Variants in OR8B3 observed in about 807,000 individuals in gnomAD.
OR8B3 encodes olfactory receptor family 8 subfamily B member 3.
For missense variants in OR8B3, 278 were observed against 377.6 expected (o/e 0.74, Z 2.19); for synonymous variants, 102 against 135.4 (o/e 0.75, Z 1.71).
chr11:124,409,521 A>G, the OR8B3 span, among the ~76,000 whole-genome samples: 1 of 152,258 alleles, frequency 6.6e-6, no homozygotes, highest in Non-Finnish European at 1.5e-5. Flanking sequence ...TGCTTCTTCA[A>G]TTAGGCCAAA....
At chr11:124,398,427 G>T (rs11219633) in intron 1 of OR8B3, among the ~76,000 whole-genome samples, 5,640 of 152,222 alleles carry the variant, frequency 0.037, 149 homozygotes, top group South Asian at 0.13. Flanking sequence ...TCTTCTATAT[G>T]TATAGCACAT....
chr11:124,401,654 T>C (rs1049432610), upstream of OR8B3, among the ~76,000 whole-genome samples: 2 of 152,244 alleles, frequency 1.3e-5, no homozygotes, highest in African/African-American at 4.8e-5. Flanking sequence ...GTGTATGCAT[T>C]GTTAGAGTAA....
chr11:124,404,366 T>C, the OR8B3 span: 1 of 152,168 alleles, frequency 6.6e-6, no homozygotes, highest in Non-Finnish European at 1.5e-5. Context: ...TTGAACCATT[T>C]GAGAAGTAGA....
At chr11:124,402,944 G>T (rs539728256), upstream of OR8B3, among the ~76,000 whole-genome samples, 241 of 152,162 alleles carry the variant, frequency 1.6e-3, no homozygotes, top group Admixed American at 2.7e-3. Flanking sequence ...GTGAACAAAG[G>T]TCCCTGGTTT....
upstream of OR8B3, among the ~76,000 whole-genome samples, chr11:124,401,730 G>C (rs749557207): frequency 7.9e-5 from 12 of 152,184 alleles, no homozygotes; most frequent in Non-Finnish European, 1.6e-4. Context: ...AATATATGGA[G>C]AGAAGTATCT....
At chr11:124,398,356 G>A (rs192809457) in intron 1 of OR8B3, among the ~76,000 whole-genome samples, 120 of 152,302 alleles carry the variant, frequency 7.9e-4, no homozygotes, top group African/African-American at 2.9e-3. Context: ...TTTGGGTACA[G>A]TTATATTAGT....
Position 124,396,789 on chromosome 11 carries a change from G to A in OR8B3, c.563C>T (p.Ser188Phe). Reference sequence around the variant, plus strand: ...CTCGTTGACATAGGTGCTGGTGCAGGAAAGCTGGAGGAGGGGGAGTATGTC... The same window carrying A: ...CTCGTTGACATAGGTGCTGGTGCAGAAAAGCTGGAGGAGGGGGAGTATGTC... ...LCDILPLLQL[S>F]CTSTYVNEVV... Residue 188 changes from serine (S) to phenylalanine (F), a missense_variant, in exon 2 of 2, where the codon TCC (serine) becomes TTC (phenylalanine). Physicochemically the swap from Ser to Phe is radical, Grantham distance 155. Transcript: ENST00000641139. 1 of 1,612,720 alleles carries A rather than the reference G, an allele frequency of 6.2e-7. No homozygotes were observed. Among genetic ancestry groups the A allele is most frequent in the South Asian group, 1.1e-5 (1 of 90,904 alleles).
At chr11:124,409,084 G>C in the OR8B3 span, among the ~76,000 whole-genome samples, 1 of 150,160 alleles carries the variant, frequency 6.7e-6, no homozygotes, top group Non-Finnish European at 1.5e-5. Flanking sequence ...CAATGTAGGG[G>C]CTCGCCTGCC....
At chr11:124,407,773 G>C in the OR8B3 span, among the ~76,000 whole-genome samples, 2 of 151,958 alleles carry the variant, frequency 1.3e-5, no homozygotes, top group South Asian at 4.2e-4. Flanking sequence ...TTAACTTCCA[G>C]TTTAAAAGTT....
the OR8B3 span, among the ~76,000 whole-genome samples, chr11:124,405,474 A>C: frequency 6.6e-6 from 1 of 152,132 alleles, no homozygotes; most frequent in African/African-American, 2.4e-5. Flanking sequence ...GATGATTTAG[A>C]CATTCGTCGT....
upstream of OR8B3, among the ~76,000 whole-genome samples, chr11:124,399,399 A>G (rs934462001): frequency 1.3e-5 from 2 of 152,212 alleles, no homozygotes; most frequent in African/African-American, 2.4e-5. Context: ...ATTTTTTAAT[A>G]AAAATTTTGT....
At chr11:124,405,139 A>C in the OR8B3 span, 1 of 152,216 alleles carries the variant, frequency 6.6e-6, no homozygotes, top group African/African-American at 2.4e-5. Context: ...AGGGGCAGAC[A>C]GTAGCATTAA....
the OR8B3 span, among the ~76,000 whole-genome samples, chr11:124,406,033 C>T: frequency 6.6e-6 from 1 of 152,302 alleles, no homozygotes; most frequent in East Asian, 1.9e-4. Flanking sequence ...GATACAGTCA[C>T]TTGCCATTTC....
rs1591434950 is a variant in OR8B3 at position 124,395,572 on chromosome 11, C to T, written c.*838G>A. The T allele has an allele frequency of 1.3e-5, 2 of 152,098 alleles. No homozygotes were observed. The highest frequency in any genetic ancestry group is 2.9e-5 in the Non-Finnish European group (2 of 68,016). 9.4% of individuals were successfully genotyped at this position (152,098 alleles called of 1,614,324 possible). Reference sequence around the variant, plus strand: ...AAAATATTTCTGCTAACTTAATGTGCAGTATTTACCTATAACGAGTAAAAA... The same window carrying T: ...AAAATATTTCTGCTAACTTAATGTGTAGTATTTACCTATAACGAGTAAAAA... On this transcript the variant is annotated 3_prime_UTR_variant, in exon 2 of 2. Transcript: ENST00000641139.
upstream of OR8B3, among the ~76,000 whole-genome samples, chr11:124,402,159 T>A (rs1861004307): frequency 6.6e-6 from 1 of 152,208 alleles, no homozygotes; most frequent in South Asian, 2.1e-4. Flanking sequence ...GAATAAAACT[T>A]TCTTCCAATT....
chr11:124,395,738 C>G lies in OR8B3; in HGVS notation c.*672G>C, dbSNP rs1247481224. 6.6e-6 allele frequency: 1 copy of G among 152,194 alleles called. No homozygotes were observed. The highest frequency in any genetic ancestry group is 2.4e-5 in the African/African-American group (1 of 41,442). The allele number at this position is 152,194 out of a possible 1,614,324, so 9.4% of individuals were successfully genotyped here. A position where few individuals can be genotyped will look rare whatever the true frequency, so the allele number is the denominator to read the frequency against. ...GGTCCACATGTATTATTTCTCTAATCATCCTCTGTAAATGCTGCCTTTGGC... is the reference window on the plus strand; with the variant it reads ...GGTCCACATGTATTATTTCTCTAATGATCCTCTGTAAATGCTGCCTTTGGC... On this transcript the variant is annotated 3_prime_UTR_variant, in exon 2 of 2. Coordinates refer to ENST00000641139, the MANE Select transcript of OR8B3 (RefSeq NM_001005467.2).
the OR8B3 span, among the ~76,000 whole-genome samples, chr11:124,408,339 GTTTC>G: frequency 1.3e-5 from 2 of 152,140 alleles, no homozygotes; most frequent in African/African-American, 4.8e-5. Context: ...ATCTTAGTTT[GTTTC>G]CAGTCTTTTG....
At chr11:124,406,468 T>C in the OR8B3 span, among the ~76,000 whole-genome samples, 135 of 152,278 alleles carry the variant, frequency 8.9e-4, no homozygotes, top group African/African-American at 3.2e-3. Context: ...TTTATGTGTA[T>C]TTATGTGCCC....
chr11:124,397,651 ATG>A (rs1565351251), intron 1 of OR8B3, among the ~76,000 whole-genome samples: 1 of 150,918 alleles, frequency 6.6e-6, no homozygotes, highest in Non-Finnish European at 1.5e-5. Context: ...GGTTATGTGG[ATG>A]TGTCTCATCT....
Sources: gnomAD v4.1 joint callset for allele counts (sites outside exome capture counted in the v4.1 genomes callset) on GRCh38, gnomAD v4.1.1 for gene constraint, MANE v1.5 for transcripts, NCBI Gene and HGNC (gene_info 2026-07-23, HGNC 2026-07-21) for gene names.